The following GPC6 variants were observed in gnomAD, a reference collection of about 807,000 sequenced individuals.
The protein encoded by GPC6 is glypican-6.
In GPC6, 14 loss-of-function variants were observed where a neutral mutation model predicts 55.2. That is an observed-to-expected ratio of 0.25 (90% CI 0.17 to 0.40). The LOEUF is 0.40. GPC6 is among the 10% of genes least tolerant of loss of function. The pLI, the probability that GPC6 is intolerant of heterozygous loss-of-function variation, is 1.00. For missense variants in GPC6, 641 were observed against 708.5 expected (o/e 0.90, Z 1.08); for synonymous variants, 278 against 259.6 (o/e 1.07, Z -0.68).
At chr13:93,769,249 C>T (rs1885215351) in intron 2 of GPC6, among the ~76,000 whole-genome samples, 2 of 152,078 alleles carry the variant, frequency 1.3e-5, no homozygotes, top group Non-Finnish European at 2.9e-5. Context: ...TCAGAGAAGA[C>T]AGAGCAAAGT....
intron 1 of GPC6, among the ~76,000 whole-genome samples, chr13:93,513,804 C>A (rs989923490): frequency 6.6e-6 from 1 of 151,580 alleles, no homozygotes; most frequent in African/African-American, 2.4e-5. Flanking sequence ...TGCTGAGAAT[C>A]AGCCTCTCTG....
At chr13:94,127,374 A>C (rs1490845162) in intron 4 of GPC6, among the ~76,000 whole-genome samples, 1 of 151,880 alleles carries the variant, frequency 6.6e-6, no homozygotes. Flanking sequence ...TGGTCATTTG[A>C]AAGCACCTCC....
chr13:94,127,565 A>C (rs1400269706), intron 4 of GPC6, among the ~76,000 whole-genome samples: 1 of 152,128 alleles, frequency 6.6e-6, no homozygotes, highest in Non-Finnish European at 1.5e-5. Context: ...ACCCACTCTC[A>C]GGTGTTTCTT....
At chr13:93,954,055 C>G (rs1879384817) in intron 3 of GPC6, among the ~76,000 whole-genome samples, 1 of 152,108 alleles carries the variant, frequency 6.6e-6, no homozygotes, top group African/African-American at 2.4e-5. Flanking sequence ...AGAAGTCACT[C>G]CCTAGTCCTC....
intron 3 of GPC6, among the ~76,000 whole-genome samples, chr13:93,982,458 G>T (rs932364410): frequency 6.6e-6 from 1 of 152,210 alleles, no homozygotes; most frequent in Non-Finnish European, 1.5e-5. Flanking sequence ...ACTAGTTGAA[G>T]TGGTTTGTAT....
chr13:93,765,916 C>T (rs1359740042), intron 2 of GPC6, among the ~76,000 whole-genome samples: 1 of 152,120 alleles, frequency 6.6e-6, no homozygotes, highest in East Asian at 1.9e-4. Context: ...ATTTGTAAAA[C>T]TCAAGCTGTT....
At chr13:93,330,845 A>G (rs763981252) in intron 1 of GPC6, among the ~76,000 whole-genome samples, 3 of 152,222 alleles carry the variant, frequency 2.0e-5, no homozygotes, top group Non-Finnish European at 4.4e-5. Flanking sequence ...AAATCCCAAC[A>G]AAATGATTGA....
chr13:93,678,696 T>G (rs1301197988), intron 2 of GPC6, among the ~76,000 whole-genome samples: 1 of 152,154 alleles, frequency 6.6e-6, no homozygotes, highest in Non-Finnish European at 1.5e-5. Flanking sequence ...TTCAGGAAAT[T>G]CTACCCTATA....
At chr13:93,547,533 C>G (rs1416873609) in intron 2 of GPC6, among the ~76,000 whole-genome samples, 1 of 152,160 alleles carries the variant, frequency 6.6e-6, no homozygotes, top group African/African-American at 2.4e-5. Context: ...TATAGGTATA[C>G]TTTGAATTGT....
chr13:94,148,934 G>A (rs1887647141), intron 4 of GPC6, among the ~76,000 whole-genome samples: 1 of 150,454 alleles, frequency 6.6e-6, no homozygotes, highest in Non-Finnish European at 1.5e-5. Context: ...ATATGTGAGT[G>A]AAACTTAGCA....
At chr13:93,605,845 A>T (rs1461997523) in intron 2 of GPC6, among the ~76,000 whole-genome samples, 1 of 149,790 alleles carries the variant, frequency 6.7e-6, no homozygotes, top group African/African-American at 2.5e-5. Context: ...GTCTCAATAA[A>T]AAAAAAAAAA....
chr13:93,873,464 G>A (rs1889192512), intron 3 of GPC6, among the ~76,000 whole-genome samples: 1 of 151,798 alleles, frequency 6.6e-6, no homozygotes, highest in African/African-American at 2.4e-5. Flanking sequence ...TCTCAACTGG[G>A]GAGATTTTAT....
chr13:94,295,349 A>G (rs1056802659), intron 5 of GPC6, among the ~76,000 whole-genome samples: 9 of 152,216 alleles, frequency 5.9e-5, no homozygotes, highest in Non-Finnish European at 2.9e-5. Context: ...TGCTATTATT[A>G]AAAATATCTA....
At chr13:94,350,075 T>TTGTGTGTGTGTGTGTGTG (rs367555548) in intron 6 of GPC6, among the ~76,000 whole-genome samples, 154 of 150,148 alleles carry the variant, frequency 1.0e-3, no homozygotes, top group African/African-American at 2.0e-3. Context: ...TATATATCTT[T>TTGTGTGTGTGTGTGTGTG]TGTGTGTGTG....
At chr13:93,410,823 G>A (rs1295062976) in intron 1 of GPC6, among the ~76,000 whole-genome samples, 5 of 152,066 alleles carry the variant, frequency 3.3e-5, no homozygotes, top group African/African-American at 7.2e-5. Context: ...GACAAGTCTC[G>A]CTAGAGGGAC....
intron 3 of GPC6, among the ~76,000 whole-genome samples, chr13:94,005,147 T>C (rs993731935): frequency 5.9e-5 from 9 of 152,022 alleles, no homozygotes; most frequent in African/African-American, 2.2e-4. Flanking sequence ...AAAGAATAAA[T>C]TGGGATTGAA....
chr13:93,825,716 G>A, intron 2 of GPC6, among the ~76,000 whole-genome samples: 1 of 152,118 alleles, frequency 6.6e-6, no homozygotes, highest in East Asian at 1.9e-4. Context: ...GCTGACACAT[G>A]TGTGTGGAAT....
chr13:94,079,386 G>C (rs2138793968), intron 4 of GPC6, among the ~76,000 whole-genome samples: 1 of 152,088 alleles, frequency 6.6e-6, no homozygotes, highest in East Asian at 1.9e-4. Context: ...TAATAAGATA[G>C]TTTGAAGTGT....
intron 4 of GPC6, among the ~76,000 whole-genome samples, chr13:94,063,843 A>G (rs1884421723): frequency 6.6e-6 from 1 of 152,194 alleles, no homozygotes; most frequent in Non-Finnish European, 1.5e-5. Context: ...GTTTGTTTAT[A>G]TCATTATCTC....
Sources: gnomAD v4.1 joint callset for allele counts (sites outside exome capture counted in the v4.1 genomes callset) on GRCh38, gnomAD v4.1.1 for gene constraint, MANE v1.5 for transcripts, NCBI Gene and HGNC (gene_info 2026-07-23, HGNC 2026-07-21) for gene names.